The following RFLNA variants were observed in gnomAD, a reference collection of about 807,000 sequenced individuals.
RFLNA encodes refilin-A.
Under a neutral mutation model 7.8 loss-of-function variants are expected in RFLNA, and 5 were observed. The observed-to-expected ratio is 0.64, with a 90% CI of 0.34 to 1.35. The LOEUF is 1.35. Among genes scored for constraint, RFLNA ranks in the 40% most tolerant of loss-of-function variants. RFLNA has a pLI of 0.04. For missense variants in RFLNA, 278 were observed against 305.5 expected, an observed-to-expected ratio of 0.91 and a Z score of 0.67; for synonymous variants, 141 against 131.3, an observed-to-expected ratio of 1.07 and a Z score of -0.50.
At chr12:124,294,884 C>T (rs1231295940), upstream of RFLNA, among the ~76,000 whole-genome samples, 1 of 152,246 alleles carries the variant, frequency 6.6e-6, no homozygotes, top group African/African-American at 2.4e-5. Flanking sequence ...AAGGCACCCT[C>T]GGTGCGCCAG....
chr12:124,310,540 G>T lies in RFLNA; in HGVS notation c.208-1278G>T, dbSNP rs1342758719. On this transcript the variant is annotated intron_variant, in intron 1 of 2. Coordinates refer to ENST00000546355, the MANE Select transcript of RFLNA (RefSeq NM_001365156.1). ...GGAGGGGGAGGTGGACTGCAGGATG[G>T]GGTAGGGGTCCTTAGGCCACTTTCT... Among the ~76,000 whole-genome samples the T allele has an allele frequency of 1.1e-4, 16 of 141,302 alleles. No homozygotes were observed. In the Middle Eastern group the frequency reaches 0.011, roughly 100 times the overall value. 92.7% of individuals were successfully genotyped at this position (141,302 alleles called of 152,430 possible). A position where few individuals can be genotyped will look rare whatever the true frequency, so the allele number is the denominator to read the frequency against.
At chr12:124,307,711 T>C (rs563712470) in intron 1 of RFLNA, among the ~76,000 whole-genome samples, 1 of 152,302 alleles carries the variant, frequency 6.6e-6, no homozygotes, top group Non-Finnish European at 1.5e-5. Flanking sequence ...TGTCGACTTT[T>C]AGCATGTGGT....
At position 124,314,782 on chromosome 12, in the gene RFLNA, G is replaced by A. The variant is rs2034321618; in HGVS notation, c.*257G>A. 4 of 706,294 alleles carry A rather than the reference G, an allele frequency of 5.7e-6. No individual in the cohort carries two copies. In the East Asian group the frequency reaches 1.1e-4, roughly 20 times the overall value. 43.8% of individuals were successfully genotyped at this position (706,294 alleles called of 1,614,324 possible). On this transcript the variant is annotated 3_prime_UTR_variant, in exon 3 of 3. Transcript: ENST00000546355. ...TAGCACTTAAGCTGGCAAGGCGGTA[G>A]GGGCATGCACTGTTAGGTGGTGGCC...
rs890822578 is a variant in RFLNA at position 124,306,805 on chromosome 12, C to T, written c.208-5013C>T. 1.3e-5 allele frequency among the ~76,000 whole-genome samples: 2 copies of T among 152,032 alleles called. No individual in the cohort carries two copies. Among genetic ancestry groups the T allele is most frequent in the Non-Finnish European group, 2.9e-5 (2 of 67,978 alleles). ...ATTGTCCAGGCAGGTATGGGGGCGG[C>T]GGGGAGGGGACAGATGTAGGAGATA... On this transcript the variant is annotated intron_variant, in intron 1 of 2. Coordinates refer to ENST00000546355, the MANE Select transcript of RFLNA (RefSeq NM_001365156.1). The surrounding 1 kb of genome is among the most constrained non-coding windows in gnomAD (Gnocchi z 5.2).
intron 1 of RFLNA, among the ~76,000 whole-genome samples, chr12:124,302,840 A>AGGGCTGAGGTCAG (rs2034067216): frequency 4.6e-5 from 3 of 64,948 alleles, no homozygotes; most frequent in African/African-American, 1.5e-4. Context: ...CCGAGGTCAG[A>AGGGCTGAGGTCAG]GGGCCGAGGT....
At chr12:124,294,031 C>T (rs1236040729), upstream of RFLNA, among the ~76,000 whole-genome samples, 1 of 152,082 alleles carries the variant, frequency 6.6e-6, no homozygotes, top group African/African-American at 2.4e-5. Context: ...TCAGACTGGG[C>T]CCTCCACAGG....
rs371840545 is a variant in RFLNA at position 124,306,497 on chromosome 12, T to C, written c.208-5321T>C. On this transcript the variant is annotated intron_variant, in intron 1 of 2. Coordinates refer to ENST00000546355, the MANE Select transcript of RFLNA (RefSeq NM_001365156.1). This position sits in a 1 kb window ranked among gnomAD's most constrained non-coding sequence, Gnocchi z 5.2. ...GAGCCTGGAGCTGAGGGGGCAGCGA[T>C]GAGACAGGCCCCTGGGCATGAAAGG... Among the ~76,000 whole-genome samples, 7 of 151,770 alleles carry C rather than the reference T, an allele frequency of 4.6e-5. No homozygotes were observed. The East Asian group carries it at 1.4e-3, about 29-fold the overall frequency.
At chr12:124,298,033 A>C (rs1209966678) in intron 1 of RFLNA, among the ~76,000 whole-genome samples, 1 of 152,236 alleles carries the variant, frequency 6.6e-6, no homozygotes. Context: ...CCCGAGGAAG[A>C]GGATGGGGTG....
upstream of RFLNA, among the ~76,000 whole-genome samples, chr12:124,294,058 T>C (rs1398508514): frequency 1.3e-5 from 2 of 152,162 alleles, no homozygotes; most frequent in African/African-American, 4.8e-5. Context: ...GCCTGCTGTC[T>C]TACGCCTGCC....
chr12:124,309,932 G>A (rs997719967), intron 1 of RFLNA, among the ~76,000 whole-genome samples: 2 of 152,134 alleles, frequency 1.3e-5, no homozygotes, highest in Non-Finnish European at 2.9e-5. Flanking sequence ...TCTTTGAGAG[G>A]CCAGGGTAGG....
rs1206581175 is a variant in RFLNA, at chr12:124,295,143, A to T, written c.-287A>T. 2 of 151,498 alleles carry T rather than the reference A, an allele frequency of 1.3e-5. No individual in the cohort carries two copies. Among genetic ancestry groups the T allele is most frequent in the African/African-American group, 4.8e-5 (2 of 41,272 alleles). The allele number at this position is 151,498 out of a possible 1,614,324, so 9.4% of individuals were successfully genotyped here. The stretch of plus-strand genomic sequence containing the variant: ...CCTCGGGGCTGGGCCGGCCTGCGGG[A>T]TCGCAGCGCAGCGCAGAGGCGAGGC... On this transcript the variant is annotated 5_prime_UTR_variant, in exon 1 of 3. Transcript: ENST00000546355.
intron 1 of RFLNA, among the ~76,000 whole-genome samples, chr12:124,297,548 A>G (rs2033950535): frequency 6.6e-6 from 1 of 152,222 alleles, no homozygotes; most frequent in Non-Finnish European, 1.5e-5. Flanking sequence ...AAGCCAAGGC[A>G]CAGAGGAGGT....
rs759934133 is a variant in RFLNA at position 124,289,649 on chromosome 12, C to G, written c.-37+279C>G. ...ACACCCAGGGCATGGGCCCTGACCC[C>G]CAGACAGCTGCCCAGCAAAGGCGGG... On this transcript the variant is annotated intron_variant, in intron 1 of 2. Transcript: ENST00000324038. The surrounding 1 kb of genome is among the most constrained non-coding windows in gnomAD (Gnocchi z 5.0). Among the ~76,000 whole-genome samples the G allele has an allele frequency of 2.6e-5, 4 of 152,226 alleles. No individual in the cohort carries two copies. The highest frequency in any genetic ancestry group is 1.9e-4 in the East Asian group (1 of 5,198).
intron 1 of RFLNA, among the ~76,000 whole-genome samples, chr12:124,298,533 TC>T (rs1176155454): frequency 6.6e-6 from 1 of 152,198 alleles, no homozygotes; most frequent in Non-Finnish European, 1.5e-5. Context: ...GAGCTGGGAA[TC>T]AGGCATTGGT....
intron 1 of RFLNA, among the ~76,000 whole-genome samples, chr12:124,310,172 C>CAAAAAAA (rs71088996): frequency 0.032 from 539 of 17,082 alleles, 135 homozygotes; most frequent in African/African-American, 0.054. Flanking sequence ...GACTCTGTCT[C>CAAAAAAA]AAAAAAAAAA....
chr12:124,311,079 C>A (rs1372214833), intron 1 of RFLNA, among the ~76,000 whole-genome samples: 3 of 152,200 alleles, frequency 2.0e-5, no homozygotes, highest in Non-Finnish European at 4.4e-5. Flanking sequence ...TGGTTTCCAA[C>A]CCCCCTACAT....
Position 124,310,300 on chromosome 12 carries a change from C to A in RFLNA, c.208-1518C>A, listed in dbSNP as rs368830392. Among the ~76,000 whole-genome samples the A allele has an allele frequency of 2.7e-4, 41 of 150,320 alleles. No homozygotes were observed. The East Asian group carries it at 4.7e-3, about 17-fold the overall frequency. On this transcript the variant is annotated intron_variant, in intron 1 of 2. Transcript: ENST00000546355. ...TGAAGGACCCCCGAGTACAGATGGA[C>A]GGGGTTTTCTTGGGTTGGTGGAAGA...
At chr12:124,304,052 T>G (rs1593032664) in intron 1 of RFLNA, among the ~76,000 whole-genome samples, 1 of 152,252 alleles carries the variant, frequency 6.6e-6, no homozygotes, top group South Asian at 2.1e-4. Context: ...AAAGTCGGAC[T>G]TCAGGGCCGC....
In RFLNA at chr12:124,315,268, T is replaced by C. The variant is rs1213305457; in HGVS notation, c.*743T>C. ...CTGCCCGTCGAAATGGAAAGGTTGG[T>C]GCTCAGCCTCTGGAGCCTCACCTGC... On this transcript the variant is annotated 3_prime_UTR_variant, in exon 3 of 3. Transcript: ENST00000546355. 6.4e-6 allele frequency: 1 copy of C among 155,270 alleles called. No homozygotes were observed. Among genetic ancestry groups the C allele is most frequent in the Non-Finnish European group, 1.4e-5 (1 of 70,026 alleles). 9.6% of individuals were successfully genotyped at this position (155,270 alleles called of 1,614,324 possible). A position where few individuals can be genotyped will look rare whatever the true frequency, so the allele number is the denominator to read the frequency against.
Sources: allele counts gnomAD v4.1 joint callset (sites outside exome capture counted in the v4.1 genomes callset), GRCh38; gene constraint gnomAD v4.1.1; non-coding constraint Gnocchi (gnomAD v3.1); transcripts MANE v1.5; gene names NCBI Gene and HGNC (gene_info 2026-07-23, HGNC 2026-07-21).